The following KIAA0408 variants were observed in gnomAD, a reference collection of about 807,000 sequenced individuals.
KIAA0408 encodes the protein uncharacterized protein KIAA0408.
KIAA0408 carries 51 observed loss-of-function variants against 60.9 expected under a neutral mutation model. The ratio of observed to expected loss-of-function variants is 0.84; its 90% confidence interval spans 0.67 to 1.06. The LOEUF is 1.06. KIAA0408 is among the 50% of genes least tolerant of loss of function. The probability of loss-of-function intolerance (pLI) is 0.00; values close to 1 mark genes in which losing one functional copy is unlikely to be tolerated. For missense variants in KIAA0408, 787 were observed against 833.9 expected, an observed-to-expected ratio of 0.94 and a Z score of 0.69; for synonymous variants, 304 against 282.4, an observed-to-expected ratio of 1.08 and a Z score of -0.77.
chr6:127,451,753 T>C (rs148215734), intron 2 of KIAA0408, among the ~76,000 whole-genome samples: 105 of 152,336 alleles, frequency 6.9e-4, no homozygotes, highest in Non-Finnish European at 1.3e-3. Context: ...TTTCCATTTT[T>C]GTTTTTGCAT....
Position 127,442,441 on chromosome 6 carries a change from G to T in KIAA0408, c.*1668C>A, listed in dbSNP as rs930430787. On this transcript the variant is annotated 3_prime_UTR_variant, in exon 6 of 6. Coordinates refer to ENST00000483725, the MANE Select transcript of KIAA0408 (RefSeq NM_014702.5). ...GTGTCTAGTTTACTTTTCTTTGATA[G>T]CTTCCTGTGGAAAAGGATCTTCCTG... 1 of 152,182 alleles carries T rather than the reference G, an allele frequency of 6.6e-6. No homozygotes were observed. Among genetic ancestry groups the T allele is most frequent in the Non-Finnish European group, 1.5e-5 (1 of 68,040 alleles). 9.4% of individuals were successfully genotyped at this position (152,182 alleles called of 1,614,324 possible).
intron 2 of KIAA0408, among the ~76,000 whole-genome samples, chr6:127,451,881 C>G (rs1384862520): frequency 6.6e-6 from 1 of 152,094 alleles, no homozygotes; most frequent in Non-Finnish European, 1.5e-5. Context: ...TACTATGTTA[C>G]TTGGTACTCA....
At chr6:127,446,195 T>G (rs1773189796) in intron 5 of KIAA0408, among the ~76,000 whole-genome samples, 1 of 152,194 alleles carries the variant, frequency 6.6e-6, no homozygotes, top group Non-Finnish European at 1.5e-5. Context: ...CATTTCAGAA[T>G]TTTTCAAAAG....
chr6:127,445,169 G>T (rs1303867886), intron 5 of KIAA0408, among the ~76,000 whole-genome samples: 3 of 152,050 alleles, frequency 2.0e-5, no homozygotes, highest in African/African-American at 7.2e-5. Context: ...TTATTTTCTA[G>T]ATTTGTTCCC....
chr6:127,446,913 G>A lies in KIAA0408; in HGVS notation c.1406C>T (p.Ser469Leu), dbSNP rs1294716654. The A allele has an allele frequency of 3.7e-6, 6 of 1,614,040 alleles. No individual in the cohort carries two copies. The highest frequency in any genetic ancestry group is 5.1e-6 in the Non-Finnish European group (6 of 1,179,996). The change falls in exon 5 of 6, where the codon TCG (serine) becomes TTG (leucine). Residue 469 changes from serine (S) to leucine (L), a missense_variant. This residue lies in a region of KIAA0408 where 640 missense variants were observed against 681.3 expected (regional missense o/e 0.94). Transcript: ENST00000483725. ...GGTATCACAGGGCTTGAGATCCTCC[G>A]ATGATTTTGAGCAGCTGTGATTTTG... ...IQQNHSCSKSSEDLKPCDTSS... is the reference protein window; with the variant it reads ...IQQNHSCSKSLEDLKPCDTSS...
Position 127,449,807 on chromosome 6 carries a change from G to C in KIAA0408, c.578+15C>G, listed in dbSNP as rs368853063. On this transcript the variant is annotated intron_variant, in intron 4 of 5. Transcript: ENST00000483725. ...TTTATTTACCCATCTAAAATAATCA[G>C]ATGTACCAGCCTACCTTCTATGGTT... is the stretch of plus-strand genomic sequence containing the variant. 1.2e-6 allele frequency: 2 copies of C among 1,613,444 alleles called. No homozygotes were observed. The highest frequency in any genetic ancestry group is 1.7e-6 in the Non-Finnish European group (2 of 1,179,846).
At chr6:127,444,986 A>G (rs946277034) in intron 5 of KIAA0408, among the ~76,000 whole-genome samples, 5 of 152,132 alleles carry the variant, frequency 3.3e-5, no homozygotes, top group Admixed American at 6.6e-5. Context: ...AATTAAAACA[A>G]AAGTACAAAG....
At chr6:127,458,728 A>T (rs910668883) in intron 1 of KIAA0408, among the ~76,000 whole-genome samples, 1 of 152,212 alleles carries the variant, frequency 6.6e-6, no homozygotes, top group African/African-American at 2.4e-5. Flanking sequence ...CTTAGATAAA[A>T]CTAAAATTTA....
At chr6:127,454,468 G>T (rs1287075641) in intron 1 of KIAA0408, among the ~76,000 whole-genome samples, 5 of 152,064 alleles carry the variant, frequency 3.3e-5, no homozygotes, top group African/African-American at 1.2e-4. Flanking sequence ...AGATTCTGCT[G>T]CAATAAAATT....
At chr6:127,450,627 G>T in intron 2 of KIAA0408, 1 of 285,552 alleles carries the variant, frequency 3.5e-6, no homozygotes, top group Non-Finnish European at 6.4e-6. Context: ...ATCTGTATCT[G>T]TATATAAATA....
At chr6:127,446,001 T>A (rs1392774521) in intron 5 of KIAA0408, among the ~76,000 whole-genome samples, 2 of 152,122 alleles carry the variant, frequency 1.3e-5, no homozygotes, top group Non-Finnish European at 2.9e-5. Flanking sequence ...ACTGAACCAA[T>A]CATAGTTAAT....
chr6:127,456,255 C>T (rs747951221), intron 1 of KIAA0408, among the ~76,000 whole-genome samples: 11 of 152,222 alleles, frequency 7.2e-5, no homozygotes, highest in Non-Finnish European at 1.3e-4. Flanking sequence ...TGTTTTATCC[C>T]AACTGTCTTT....
chr6:127,442,757 G>T lies in KIAA0408; in HGVS notation c.*1352C>A, dbSNP rs971747231. On this transcript the variant is annotated 3_prime_UTR_variant, in exon 6 of 6. Transcript: ENST00000483725. ...TTGGCATAAGAATTTCTTAGTAAAAGAAAAGCTTAAATAGAGTTAATATCT... is the reference window on the plus strand; with the variant it reads ...TTGGCATAAGAATTTCTTAGTAAAATAAAAGCTTAAATAGAGTTAATATCT... The T allele has an allele frequency of 6.6e-6, 1 of 152,182 alleles. No homozygotes were observed. The highest frequency in any genetic ancestry group is 2.4e-5 in the African/African-American group (1 of 41,450). 9.4% of individuals were successfully genotyped at this position (152,182 alleles called of 1,614,324 possible).
intron 1 of KIAA0408, among the ~76,000 whole-genome samples, chr6:127,456,784 T>TGG (rs10590257): frequency 8.8e-5 from 13 of 148,166 alleles, no homozygotes; most frequent in African/African-American, 2.7e-4. Flanking sequence ...TATAAAGTGG[T>TGG]GGGGGGGGGG....
In KIAA0408 at chr6:127,447,111, G is replaced by A; in HGVS notation, c.1208C>T (p.Pro403Leu). The change falls in exon 5 of 6, where the codon CCT (proline) becomes CTT (leucine). Residue 403 changes from proline (P) to leucine (L), a missense_variant. Pro to Leu is a moderately conservative substitution (Grantham distance 98, BLOSUM62 -3). Coordinates refer to ENST00000483725, the MANE Select transcript of KIAA0408 (RefSeq NM_014702.5). The part of the protein sequence containing the change: ...VIPDHPAKSH[P>L]DLHVSNDCSS... The stretch of plus-strand genomic sequence containing the variant: ...ACAGTCATTACTTACATGAAGATCA[G>A]GATGAGATTTAGCAGGGTGATCTGG... 6.2e-7 allele frequency: 1 copy of A among 1,613,886 alleles called. No homozygotes were observed. Among genetic ancestry groups the A allele is most frequent in the East Asian group, 2.2e-5 (1 of 44,866 alleles).
At chr6:127,454,139 G>A in intron 1 of KIAA0408, 38 bp from the exon 2 acceptor site, 4 of 1,296,126 alleles carry the variant, frequency 3.1e-6, no homozygotes, top group Non-Finnish European at 2.9e-6. Context: ...CCAAATCCAT[G>A]TGCTTTCTGG....
chr6:127,451,328 T>C (rs1390167383), intron 2 of KIAA0408: 2 of 455,902 alleles, frequency 4.4e-6, no homozygotes, highest in South Asian at 1.6e-5. Flanking sequence ...CTGAAAAATA[T>C]ACAGTGTATT....
chr6:127,449,621 C>T (rs1225724965), intron 4 of KIAA0408, among the ~76,000 whole-genome samples: 3 of 152,126 alleles, frequency 2.0e-5, no homozygotes, highest in Non-Finnish European at 4.4e-5. Flanking sequence ...CACTGCTTTC[C>T]AGCCTTGGAG....
chr6:127,450,061 C>T lies in KIAA0408; in HGVS notation c.427G>A (p.Glu143Lys). ...CTCAGGTCAGGCCAGGCCTCACATT[C>T]CTTTTGGTTGTCTGTAGCCAAAGGA... ...LDPLATDNQK[E>K]CEAWPDLRTS... Residue 143 changes from glutamate (E) to lysine (K), a missense_variant, in exon 3 of 6, where the codon GAA (glutamate) becomes AAA (lysine). Physicochemically the swap from Glu to Lys is moderately conservative, Grantham distance 56. Coordinates refer to ENST00000483725, the MANE Select transcript of KIAA0408 (RefSeq NM_014702.5). 2 of 1,614,138 alleles carry T rather than the reference C, an allele frequency of 1.2e-6. No homozygotes were observed. The highest frequency in any genetic ancestry group is 1.7e-6 in the Non-Finnish European group (2 of 1,179,992).
Sources: allele counts gnomAD v4.1 joint callset (sites outside exome capture counted in the v4.1 genomes callset), GRCh38; gene constraint gnomAD v4.1.1; regional missense constraint gnomAD v4.1.1; transcripts MANE v1.5; gene names NCBI Gene and HGNC (gene_info 2026-07-23, HGNC 2026-07-21).